The following METTL22 variants were observed in gnomAD, a reference collection of about 807,000 sequenced individuals.
METTL22 encodes the protein methyltransferase-like protein 22.
METTL22 carries 51 observed loss-of-function variants against 48.4 expected under a neutral mutation model. The ratio of observed to expected loss-of-function variants is 1.05; its 90% CI spans 0.84 to 1.33. METTL22 has a LOEUF of 1.33. Ranked by LOEUF, METTL22 falls within the 40% of genes most tolerant of loss-of-function variation. The probability of loss-of-function intolerance (pLI) is 0.00; values close to 1 mark genes in which losing one functional copy is unlikely to be tolerated. For synonymous variants in METTL22, 255 were observed against 214.1 expected, an observed-to-expected ratio of 1.19 and a Z score of -1.67; for missense variants, 678 against 526.9, an observed-to-expected ratio of 1.29 and a Z score of -2.81.
At chr16:8,622,356 C>T (rs2055882461) in intron 1 of METTL22, among the ~76,000 whole-genome samples, 1 of 152,168 alleles carries the variant, frequency 6.6e-6, no homozygotes, top group South Asian at 2.1e-4. Context: ...TGACTGGGGA[C>T]CTATAGGAGA....
chr16:8,635,791 C>G (rs1002542452), intron 5 of METTL22, among the ~76,000 whole-genome samples: 4 of 152,164 alleles, frequency 2.6e-5, no homozygotes, highest in Non-Finnish European at 5.9e-5. Context: ...GGTCACCTCC[C>G]GTGTGCCACT....
chr16:8,631,810 A>G (rs977947260), intron 3 of METTL22: 6 of 152,186 alleles, frequency 3.9e-5, no homozygotes, highest in African/African-American at 1.4e-4. Flanking sequence ...TACCTTTGGG[A>G]TTATTTAAAT....
At chr16:8,665,856 G>A in the METTL22 span, among the ~76,000 whole-genome samples, 3 of 152,218 alleles carry the variant, frequency 2.0e-5, no homozygotes, top group Non-Finnish European at 4.4e-5. Flanking sequence ...GTTAAGTGTG[G>A]AAGTATAAGT....
chr16:8,660,422 G>C, the METTL22 span, among the ~76,000 whole-genome samples: 1 of 151,884 alleles, frequency 6.6e-6, no homozygotes, highest in Non-Finnish European at 1.5e-5. Context: ...CAAGTGATCC[G>C]CCTGCTTCGG....
rs186422942 is a variant in METTL22, at chr16:8,623,003, T to C, written c.-171+1228T>C. 1.9e-3 allele frequency among the ~76,000 whole-genome samples: 283 copies of C among 152,280 alleles called. 5 individuals carry two copies. Among genetic ancestry groups the C allele is most frequent in the Admixed American group, 0.018 (279 of 15,298 alleles). On this transcript the variant is annotated intron_variant, in intron 1 of 10. Coordinates refer to ENST00000381920, the MANE Select transcript of METTL22 (RefSeq NM_024109.4). The stretch of plus-strand genomic sequence containing the variant: ...GCAAAGAACATTGATTTTTCTGGGA[T>C]GTAAGTTTTCCAACAAAATTGCGCT...
intron 10 of METTL22, among the ~76,000 whole-genome samples, chr16:8,645,485 T>A (rs1402847019): frequency 1.3e-5 from 2 of 152,092 alleles, no homozygotes; most frequent in Non-Finnish European, 2.9e-5. Context: ...GCCTAAGACG[T>A]CCCAAAAAGG....
chr16:8,662,893 G>A, the METTL22 span, among the ~76,000 whole-genome samples: 2 of 144,052 alleles, frequency 1.4e-5, 1 homozygote, highest in Admixed American at 1.4e-4. Context: ...ATATAACAGG[G>A]CAAGGAAGAA....
At chr16:8,665,388 A>T in the METTL22 span, among the ~76,000 whole-genome samples, 1 of 152,112 alleles carries the variant, frequency 6.6e-6, no homozygotes, top group Non-Finnish European at 1.5e-5. Flanking sequence ...TGGTGACTCC[A>T]AGTCAGGAGC....
chr16:8,632,420 G>A (rs558895882), intron 3 of METTL22, among the ~76,000 whole-genome samples: 1 of 152,302 alleles, frequency 6.6e-6, no homozygotes, highest in South Asian at 2.1e-4. Flanking sequence ...TACCCAGGCT[G>A]GTCTCAAACT....
At chr16:8,632,982 G>C (rs1020653543) in intron 3 of METTL22, among the ~76,000 whole-genome samples, 6 of 152,112 alleles carry the variant, frequency 3.9e-5, no homozygotes, top group African/African-American at 1.4e-4. Flanking sequence ...GGAACCCTTA[G>C]GACAGCTGGG....
intron 5 of METTL22, among the ~76,000 whole-genome samples, chr16:8,636,827 A>C (rs911813269): frequency 3.9e-5 from 6 of 152,184 alleles, no homozygotes; most frequent in African/African-American, 1.4e-4. Context: ...GACTATTCTT[A>C]AGCTTTTGAT....
rs1165524209 is a variant in METTL22 at position 8,625,783 on chromosome 16, A to C, written c.118A>C (p.Ser40Arg). ...NHRHLMVRLN[S>R]VGQPVFLSQF... ...TAGACATCTCATGGTACGGCTGAAC[A>C]GCGTGGGGCAGCCAGGTAAGGTCCT... Residue 40 changes from serine (S) to arginine (R), a missense_variant, in exon 2 of 11, where the codon AGC (serine) becomes CGC (arginine). Ser to Arg is a moderately radical substitution (Grantham distance 110, BLOSUM62 -1). Transcript: ENST00000381920. 6.2e-7 allele frequency: 1 copy of C among 1,614,008 alleles called. No homozygotes were observed.
intron 2 of METTL22, among the ~76,000 whole-genome samples, chr16:8,628,244 A>T (rs1490502849): frequency 6.6e-6 from 1 of 152,124 alleles, no homozygotes; most frequent in East Asian, 1.9e-4. Context: ...CCTGCTTTGT[A>T]CCCCCAGCAC....
At chr16:8,650,505 A>T (rs1482958803), downstream of METTL22, among the ~76,000 whole-genome samples, 8 of 152,248 alleles carry the variant, frequency 5.3e-5, 1 homozygote, top group East Asian at 9.6e-4. Context: ...AACTTAGGGA[A>T]GAAATACCTT....
Position 8,625,612 on chromosome 16 carries a change from C to T in METTL22, c.-54C>T, listed in dbSNP as rs1312900823. The T allele has an allele frequency of 5.0e-6, 8 of 1,601,880 alleles. No individual in the cohort carries two copies. Among genetic ancestry groups the T allele is most frequent in the Non-Finnish European group, 6.8e-6 (8 of 1,172,212 alleles). ...CCTCTGGGACCTGCCATGCTGAGGACCCATTCTCACCTCTGAGGGACTCCT... is the reference window on the plus strand; with the variant it reads ...CCTCTGGGACCTGCCATGCTGAGGATCCATTCTCACCTCTGAGGGACTCCT... On this transcript the variant is annotated 5_prime_UTR_variant, in exon 2 of 11. Coordinates refer to ENST00000381920, the MANE Select transcript of METTL22 (RefSeq NM_024109.4).
the METTL22 span, among the ~76,000 whole-genome samples, chr16:8,664,327 G>T: frequency 6.6e-6 from 1 of 152,100 alleles, no homozygotes; most frequent in African/African-American, 2.4e-5. Flanking sequence ...TGTATTTTTA[G>T]TAGAGACAGG....
chr16:8,650,763 G>C (rs2056882736), downstream of METTL22, among the ~76,000 whole-genome samples: 1 of 152,196 alleles, frequency 6.6e-6, no homozygotes, highest in Admixed American at 6.5e-5. Flanking sequence ...TGTGGCTCAT[G>C]CGTGTAATCC....
At chr16:8,651,400 A>AAAAAAAAAAAAAAC (rs2056895872), downstream of METTL22, among the ~76,000 whole-genome samples, 2 of 150,548 alleles carry the variant, frequency 1.3e-5, no homozygotes, top group African/African-American at 4.9e-5. Context: ...AAAAAAAAAA[A>AAAAAAAAAAAAAAC]AAACATACTA....
intron 6 of METTL22, among the ~76,000 whole-genome samples, chr16:8,640,334 CCCAG>C (rs2056558268): frequency 6.6e-6 from 1 of 152,070 alleles, no homozygotes; most frequent in African/African-American, 2.4e-5. Context: ...TCTGGCATCA[CCCAG>C]CCACACAGTC....
Sources: gnomAD v4.1 joint callset for allele counts (sites outside exome capture counted in the v4.1 genomes callset) on GRCh38, gnomAD v4.1.1 for gene constraint, MANE v1.5 for transcripts, NCBI Gene and HGNC (gene_info 2026-07-23, HGNC 2026-07-21) for gene names.